The following POM121 variants were observed in gnomAD, a reference collection of about 807,000 sequenced individuals.
The protein encoded by POM121 is nuclear envelope pore membrane protein POM 121.
In POM121, 32 loss-of-function variants were observed where a neutral mutation model predicts 81.3. The ratio of observed to expected loss-of-function variants is 0.39; its 90% CI spans 0.30 to 0.53. The LOEUF is 0.53. Among genes scored for constraint, POM121 ranks in the 20% least tolerant of loss-of-function variants. The probability of loss-of-function intolerance (pLI) is 0.66; values close to 1 mark genes in which losing one functional copy is unlikely to be tolerated. For missense variants in POM121, 1,138 were observed against 1,614.6 expected (o/e 0.70, Z 5.06); for synonymous variants, 514 against 694.2 (o/e 0.74, Z 4.08).
chr7:72,949,087 T>C (rs782501228), downstream of POM121: 80 of 1,612,266 alleles, frequency 5.0e-5, 1 homozygote, highest in South Asian at 8.3e-4. Context: ...CTCCTCCAGC[T>C]GTCTGCTCGG....
chr7:72,882,523 T>C (rs2129574322), intron 1 of POM121, among the ~76,000 whole-genome samples: 1 of 152,344 alleles, frequency 6.6e-6, no homozygotes, highest in Admixed American at 6.5e-5. Flanking sequence ...ACCATTAAAT[T>C]GCTGACTTAT....
At chr7:72,939,292 C>G in intron 6 of POM121, 44 bp from the exon 7 acceptor site, 3 of 1,605,796 alleles carry the variant, frequency 1.9e-6, no homozygotes, top group Non-Finnish European at 2.6e-6. Context: ...AATACTTCAG[C>G]CAAGAAGCCT....
exon 1 of POM121, chr7:72,879,871 C>T (rs1789953786): frequency 3.9e-6 from 2 of 513,426 alleles, no homozygotes; most frequent in Admixed American, 2.0e-5. Flanking sequence ...GCAGAGGCTG[C>T]AGAGCCCCAG....
At chr7:72,925,061 C>G, upstream of POM121, 2 of 1,355,746 alleles carry the variant, frequency 1.5e-6, no homozygotes, top group East Asian at 6.1e-5. Context: ...CGCGCGATGA[C>G]GCGACGCGCG....
At chr7:72,893,807 C>T (rs1352999326) in intron 3 of POM121, among the ~76,000 whole-genome samples, 1 of 152,090 alleles carries the variant, frequency 6.6e-6, no homozygotes, top group Non-Finnish European at 1.5e-5. Flanking sequence ...ACTGTGCTTC[C>T]GCTCCCTTGG....
rs140001538 is a variant in POM121, at chr7:72,892,579, A to G, written c.-216+1469A>G. On this transcript the variant is annotated intron_variant, in intron 3 of 15. Coordinates refer to the POM121 transcript ENST00000395270. ...CAAATGATCATTGTCCTTTTCCTTC[A>G]TCTGCATTTCACTTGCCGAGATAAT... Among the ~76,000 whole-genome samples the G allele has an allele frequency of 3.2e-4, 48 of 152,144 alleles. 1 individual carries two copies. Among genetic ancestry groups the G allele is most frequent in the African/African-American group, 1.1e-3 (46 of 41,510 alleles).
upstream of POM121, chr7:72,924,809 T>G: frequency 2.9e-6 from 1 of 344,900 alleles, no homozygotes; most frequent in Non-Finnish European, 5.2e-6. Context: ...TGGAGGGGAA[T>G]TCAGCCCCCA....
At chr7:72,925,029 C>T (rs1192440944), upstream of POM121, 11 of 1,331,562 alleles carry the variant, frequency 8.3e-6, no homozygotes, top group African/African-American at 1.5e-5. Context: ...CTCCCGGAGT[C>T]GCGCGCGCAT....
chr7:72,901,451 T>C (rs1792640982), intron 3 of POM121, among the ~76,000 whole-genome samples: 2 of 150,882 alleles, frequency 1.3e-5, no homozygotes, highest in Admixed American at 6.6e-5. Flanking sequence ...ACCTCCTGGG[T>C]TCAAGCGATT....
intron 1 of POM121, among the ~76,000 whole-genome samples, chr7:72,886,914 C>A (rs574267402): frequency 6.6e-6 from 1 of 151,096 alleles, no homozygotes; most frequent in Non-Finnish European, 1.5e-5. Context: ...GATCATTGAA[C>A]TTCTTGGATC....
At chr7:72,927,853 T>C (rs1327383127) in intron 3 of POM121, among the ~76,000 whole-genome samples, 2 of 152,192 alleles carry the variant, frequency 1.3e-5, no homozygotes, top group Non-Finnish European at 2.9e-5. Context: ...CTCCAAGTGC[T>C]ATGGATAGAG....
intron 5 of POM121, 61 bp from the exon 6 acceptor site, chr7:72,938,529 C>T (rs1335005496): frequency 1.4e-5 from 21 of 1,513,932 alleles, no homozygotes; most frequent in Admixed American, 1.0e-4. Flanking sequence ...GAGACTTTGT[C>T]GTGTTGAGGG....
chr7:72,926,784 T>A lies in POM121; in HGVS notation c.861-18T>A. The A allele has an allele frequency of 1.2e-6, 2 of 1,611,206 alleles. No individual in the cohort carries two copies. Among genetic ancestry groups the A allele is most frequent in the Non-Finnish European group, 1.7e-6 (2 of 1,178,588 alleles). On this transcript the variant is annotated intron_variant, in intron 2 of 12. Transcript: ENST00000434423. ...GAATTAAAATATCTTACAGCTAGAA[T>A]CTTGTCTTTCATTGTAGACCAGAGC... is the stretch of plus-strand genomic sequence containing the variant.
intron 3 of POM121, among the ~76,000 whole-genome samples, chr7:72,893,508 C>T (rs1791521288): frequency 1.3e-5 from 2 of 151,978 alleles, no homozygotes; most frequent in Non-Finnish European, 2.9e-5. Context: ...GGCCTGAACC[C>T]GGGAGGCAGA....
Position 72,946,363 on chromosome 7 carries a change from A to G in POM121, c.*129A>G. 6.9e-7 allele frequency: 1 copy of G among 1,442,798 alleles called. No homozygotes were observed. Among genetic ancestry groups the G allele is most frequent in the Non-Finnish European group, 9.1e-7 (1 of 1,093,852 alleles). 89.4% of individuals were successfully genotyped at this position (1,442,798 alleles called of 1,614,324 possible). ...CCCCGGATCTCTGGCTTCAGCCGCC[A>G]GGGGGCAGTGGCAGCCCTGGGGCCC... On this transcript the variant is annotated 3_prime_UTR_variant, in exon 13 of 13. Transcript: ENST00000434423.
intron 1 of POM121, among the ~76,000 whole-genome samples, chr7:72,882,402 G>A (rs1374659821): frequency 2.6e-5 from 4 of 152,158 alleles, no homozygotes; most frequent in Non-Finnish European, 4.4e-5. Flanking sequence ...CGTTTGCATT[G>A]ATTATAAGGA....
upstream of POM121, among the ~76,000 whole-genome samples, chr7:72,920,787 T>C (rs1794750856): frequency 6.6e-6 from 1 of 152,222 alleles, no homozygotes; most frequent in Non-Finnish European, 1.5e-5. Flanking sequence ...AATCTAAGAC[T>C]GATTCTTTCC....
chr7:72,943,151 C>T lies in POM121; in HGVS notation c.3158C>T (p.Ser1053Leu). The T allele has an allele frequency of 5.0e-6, 8 of 1,613,454 alleles. No homozygotes were observed. Among genetic ancestry groups the T allele is most frequent in the Admixed American group, 3.3e-5 (2 of 60,000 alleles). The stretch of plus-strand genomic sequence containing the variant: ...TCGGCCTTCGGCGCTCCCGCCAGCT[C>T]ACAGCCCGCCTTTGGCGGCTCCACT... ...TASAFGAPAS[S>L]QPAFGGSTAV... Residue 1053 changes from serine (S) to leucine (L), a missense_variant, in exon 11 of 13, where the codon TCA (serine) becomes TTA (leucine). This residue lies in a region of POM121 where 336 missense variants were observed against 344.3 expected (regional missense o/e 0.98). Coordinates refer to ENST00000434423, the MANE Select transcript of POM121 (RefSeq NM_001387691.1).
At chr7:72,923,589 A>ATTTTT (rs1187827150), upstream of POM121, among the ~76,000 whole-genome samples, 9 of 88,766 alleles carry the variant, frequency 1.0e-4, 1 homozygote, top group African/African-American at 3.0e-4. Context: ...CGCCCGGCTA[A>ATTTTT]TTTTTTTTTT....
Sources: gnomAD v4.1 joint callset for allele counts (sites outside exome capture counted in the v4.1 genomes callset) on GRCh38, gnomAD v4.1.1 for gene constraint, gnomAD v4.1.1 regional missense constraint, MANE v1.5 for transcripts, NCBI Gene and HGNC (gene_info 2026-07-23, HGNC 2026-07-21) for gene names.